The following RNF125 variants were observed in gnomAD, a reference collection of about 807,000 sequenced individuals.
The protein encoded by RNF125 is ring finger protein 125.
Under a neutral mutation model 26.0 loss-of-function variants are expected in RNF125, and 21 were observed. That is an observed-to-expected ratio of 0.81 (90% CI 0.57 to 1.16). The LOEUF is 1.16. RNF125 is among the 50% of genes most tolerant of loss of function. The pLI is 0.00. For synonymous variants in RNF125, 95 were observed against 109.2 expected (o/e 0.87, Z 0.81); for missense variants, 270 against 299.4 (o/e 0.90, Z 0.72).
chr18:32,037,151 A>G lies in RNF125; in HGVS notation c.200A>G (p.Asn67Ser), dbSNP rs202134819. 2 of 1,606,978 alleles carry G rather than the reference A, an allele frequency of 1.2e-6. No individual in the cohort carries two copies. The highest frequency in any genetic ancestry group is 2.7e-5 in the African/African-American group (2 of 74,462). Residue 67 changes from asparagine (N) to serine (S), a missense_variant, in exon 2 of 6, where the codon AAC becomes AGC. Asn to Ser is a conservative substitution (Grantham distance 46). Coordinates refer to ENST00000217740, the MANE Select transcript of RNF125 (RefSeq NM_017831.4). ...TCCTGTATTGCTACCAGTCTAAAGA[A>G]CAACAAGTGGACCTGTCCTTATTGC... The part of the protein sequence containing the change: ...CRSCIATSLK[N>S]NKWTCPYCRA...
rs745809061 is a variant in RNF125 at position 32,031,486 on chromosome 18, G to GAAAAAAAAAAAA, written c.165-5615_165-5604dup. 4.1e-3 allele frequency: 85 copies of GAAAAAAAAAAAA among 20,950 alleles called. 9 individuals carry two copies. Among genetic ancestry groups the GAAAAAAAAAAAA allele is most frequent in the African/African-American group, 9.1e-3 (80 of 8,824 alleles). 1.3% of individuals were successfully genotyped at this position (20,950 alleles called of 1,614,324 possible). ...CATTGGCATACAACTCAAATTGTGG[G>GAAAAAAAAAAAA]AAAAAAAAAAAAAAAAAAAAAAAAA... On this transcript the variant is annotated intron_variant, in intron 1 of 5. Transcript: ENST00000217740.
rs2039228352 is a variant in RNF125 at position 32,042,264 on chromosome 18, C to T, written c.404C>T (p.Thr135Ile). ...GGACCACTACAAGAACTTGAGGAGA[C>T]AGCAGCAAGGTTTGTTTCAATACAA... is the stretch of plus-strand genomic sequence containing the variant. ...KYGPLQELEETAARCVCPFCQ... is the reference protein window; with the variant it reads ...KYGPLQELEEIAARCVCPFCQ... The change falls in exon 3 of 6, where the codon ACA becomes ATA. Residue 135 changes from threonine (T) to isoleucine (I), a missense_variant. Coordinates refer to ENST00000217740, the MANE Select transcript of RNF125 (RefSeq NM_017831.4). The T allele has an allele frequency of 1.2e-6, 2 of 1,607,368 alleles. No homozygotes were observed. Among genetic ancestry groups the T allele is most frequent in the Non-Finnish European group, 1.7e-6 (2 of 1,174,578 alleles).
rs2039539076 is a variant in RNF125, at chr18:32,072,100, C to G, written c.*3716C>G. On this transcript the variant is annotated 3_prime_UTR_variant, in exon 6 of 6. Coordinates refer to ENST00000217740, the MANE Select transcript of RNF125 (RefSeq NM_017831.4). ...CCTTTAGTTTCAGCTACTAAGGAGG[C>G]TGAGGTTGGAGGATCACTTGAGCCT... 1 of 152,210 alleles carries G rather than the reference C, an allele frequency of 6.6e-6. No individual in the cohort carries two copies. Among genetic ancestry groups the G allele is most frequent in the African/African-American group, 2.4e-5 (1 of 41,408 alleles). The allele number at this position is 152,210 out of a possible 1,614,324, so 9.4% of individuals were successfully genotyped here.
intron 1 of RNF125, among the ~76,000 whole-genome samples, chr18:32,020,365 T>A (rs12458564): frequency 0.73 from 111,095 of 151,256 alleles, 41,046 homozygotes; most frequent in African/African-American, 0.81. Flanking sequence ...TTTGCTTTGA[T>A]TTTTTTTCGT....
chr18:32,025,833 G>A (rs2039029171), intron 1 of RNF125, among the ~76,000 whole-genome samples: 1 of 151,950 alleles, frequency 6.6e-6, no homozygotes, highest in South Asian at 2.1e-4. Context: ...CAAAAAGGAG[G>A]AGGGGCAGAA....
intron 1 of RNF125, among the ~76,000 whole-genome samples, chr18:32,033,600 C>T (rs1435781399): frequency 6.6e-6 from 1 of 150,844 alleles, no homozygotes; most frequent in Non-Finnish European, 1.5e-5. Flanking sequence ...GAGTGCGGAT[C>T]ACCTGAGGGC....
intron 4 of RNF125, among the ~76,000 whole-genome samples, chr18:32,046,727 A>G (rs1357544335): frequency 6.6e-6 from 1 of 152,050 alleles, no homozygotes. Context: ...TGTATGGTAA[A>G]TGTACATATT....
intron 4 of RNF125, among the ~76,000 whole-genome samples, chr18:32,063,968 CTT>C (rs747535447): frequency 1.1e-4 from 15 of 139,968 alleles, no homozygotes; most frequent in Non-Finnish European, 1.4e-4. Context: ...TGGTCTGTAT[CTT>C]TTTTTTTTTT....
chr18:32,064,352 A>G (rs1044693445), intron 4 of RNF125, among the ~76,000 whole-genome samples: 3 of 151,196 alleles, frequency 2.0e-5, no homozygotes, highest in African/African-American at 7.3e-5. Context: ...CACACACTGA[A>G]AAATATGAGT....
At position 32,042,244 on chromosome 18, in the gene RNF125, A is replaced by T. The variant is rs779881029; in HGVS notation, c.384A>T (p.Pro128=). 6.2e-7 allele frequency: 1 copy of T among 1,613,010 alleles called. No individual in the cohort carries two copies. Among genetic ancestry groups the T allele is most frequent in the South Asian group, 1.1e-5 (1 of 90,952 alleles). Residue 128 remains proline, a synonymous_variant, in exon 3 of 6, where the codon CCA becomes CCT. Coordinates refer to ENST00000217740, the MANE Select transcript of RNF125 (RefSeq NM_017831.4). Reference sequence around the variant, plus strand: ...AGAAGTACATAGATAAGTATGGACCACTACAAGAACTTGAGGAGACAGCAG... The same window carrying T: ...AGAAGTACATAGATAAGTATGGACCTCTACAAGAACTTGAGGAGACAGCAG... ...TCQKYIDKYG[P]LQELEETAAR...
chr18:32,030,527 T>C (rs917600970), intron 1 of RNF125, among the ~76,000 whole-genome samples: 4 of 152,194 alleles, frequency 2.6e-5, no homozygotes, highest in Non-Finnish European at 5.9e-5. Flanking sequence ...TCCAGAAATA[T>C]GCATGAGTGG....
chr18:32,028,776 AC>A (rs2039065082), intron 1 of RNF125, among the ~76,000 whole-genome samples: 1 of 151,076 alleles, frequency 6.6e-6, no homozygotes, highest in South Asian at 2.1e-4. Context: ...CTGGTTTCAA[AC>A]TCCTGGCCTC....
downstream of RNF125, chr18:32,075,817 T>G: frequency 1.5e-6 from 1 of 647,434 alleles, no homozygotes; most frequent in Non-Finnish European, 2.7e-6. Flanking sequence ...CTCCATTGTT[T>G]TCTTTGTTGT....
Position 32,068,405 on chromosome 18 carries a change from A to G in RNF125, c.*21A>G. 7.2e-7 allele frequency: 1 copy of G among 1,382,736 alleles called. No individual in the cohort carries two copies. The highest frequency in any genetic ancestry group is 1.0e-6 in the Non-Finnish European group (1 of 970,362). The allele number at this position is 1,382,736 out of a possible 1,614,324, so 85.7% of individuals were successfully genotyped here. On this transcript the variant is annotated 3_prime_UTR_variant, in exon 6 of 6. Transcript: ENST00000217740. ...CATAATTTTATTAAAACGAAGGGAA[A>G]AGGGACCACTGAATTGCACCATTTA...
intron 4 of RNF125, among the ~76,000 whole-genome samples, chr18:32,051,300 G>A (rs917342994): frequency 6.6e-6 from 1 of 152,076 alleles, no homozygotes; most frequent in Non-Finnish European, 1.5e-5. Context: ...ATAGCAGGAT[G>A]TAGTGATGTG....
intron 2 of RNF125, among the ~76,000 whole-genome samples, chr18:32,040,824 C>T (rs1404607191): frequency 2.0e-5 from 3 of 152,064 alleles, no homozygotes. Context: ...CAGCAAAAGT[C>T]ATAAAGACAT....
chr18:32,036,004 A>G (rs950114921), intron 1 of RNF125, among the ~76,000 whole-genome samples: 4 of 151,928 alleles, frequency 2.6e-5, no homozygotes, highest in African/African-American at 9.7e-5. Context: ...AACACAAAAA[A>G]TTGGCCAGGC....
the RNF125 span, among the ~76,000 whole-genome samples, chr18:32,090,113 G>A: frequency 6.6e-6 from 1 of 152,322 alleles, no homozygotes; most frequent in Non-Finnish European, 1.5e-5. Context: ...TGGCATGGTG[G>A]TGCATGCCTG....
At chr18:32,089,082 G>A in the RNF125 span, among the ~76,000 whole-genome samples, 3 of 152,202 alleles carry the variant, frequency 2.0e-5, no homozygotes, top group African/African-American at 4.8e-5. Flanking sequence ...GGAATTGGAA[G>A]GTGATCGTGG....
Sources: gnomAD v4.1 joint callset for allele counts (sites outside exome capture counted in the v4.1 genomes callset) on GRCh38, gnomAD v4.1.1 for gene constraint, MANE v1.5 for transcripts, NCBI Gene and HGNC (gene_info 2026-07-23, HGNC 2026-07-21) for gene names.